The following NFYC variants were observed in gnomAD, a reference collection of about 807,000 sequenced individuals.
The protein encoded by NFYC is CAAT box DNA-binding protein subunit C.
A neutral mutation model predicts 53.1 loss-of-function variants in NFYC; 25 were observed. That is an observed-to-expected ratio of 0.47 (90% CI 0.34 to 0.66). NFYC has a LOEUF of 0.66. Ranked by LOEUF, NFYC falls within the 30% of genes least tolerant of loss-of-function variation. NFYC has a pLI of 0.01. For missense variants in NFYC, 260 were observed against 422.7 expected, an observed-to-expected ratio of 0.62 and a Z score of 3.38; for synonymous variants, 145 against 152.6, an observed-to-expected ratio of 0.95 and a Z score of 0.37.
intron 5 of NFYC, chr1:40,754,214 C>A (rs1379457560): frequency 7.8e-6 from 4 of 515,840 alleles, no homozygotes; most frequent in Non-Finnish European, 1.6e-5. Context: ...TATTAATAAC[C>A]AGTCAGAGAA....
intron 1 of NFYC, among the ~76,000 whole-genome samples, chr1:40,734,665 T>TTA (rs1644935636): frequency 1.3e-5 from 2 of 152,138 alleles, no homozygotes; most frequent in African/African-American, 4.8e-5. Flanking sequence ...CCGGCCTGCT[T>TTA]TATATATATA....
intron 6 of NFYC, 130 bp from the exon 7 acceptor site, chr1:40,762,758 A>G (rs1646613686): frequency 2.6e-6 from 2 of 771,042 alleles, no homozygotes; most frequent in Non-Finnish European, 3.8e-6. Flanking sequence ...GGTTATTACT[A>G]GTACTGAGAT....
intron 1 of NFYC, among the ~76,000 whole-genome samples, chr1:40,709,903 C>T (rs995072049): frequency 6.6e-6 from 1 of 152,184 alleles, no homozygotes; most frequent in Non-Finnish European, 1.5e-5. Flanking sequence ...AACTGTTTTC[C>T]AAATAATTTT....
intron 1 of NFYC, chr1:40,692,120 G>A (rs919998516): frequency 1.5e-5 from 3 of 197,974 alleles, no homozygotes; most frequent in Non-Finnish European, 3.3e-5. Context: ...GCGACGGCGG[G>A]GGGGCTCGCT....
intron 6 of NFYC, 38 bp from the exon 7 acceptor site, chr1:40,762,850 C>A: frequency 6.6e-7 from 1 of 1,517,670 alleles, no homozygotes; most frequent in South Asian, 1.3e-5. Flanking sequence ...GGCTCTGAGC[C>A]TGAACTCACG....
Position 40,770,584 on chromosome 1 carries a change from C to T in NFYC, c.889-125C>T, listed in dbSNP as rs1411619872. ...CAGCAGAGCTCCACTTCCCCTCCTC[C>T]TTCTGACGCCTTGCAGTGGGTGGTG... is the stretch of plus-strand genomic sequence containing the variant. On this transcript the variant is annotated intron_variant, in intron 9 of 9. Coordinates refer to ENST00000447388, the MANE Select transcript of NFYC (RefSeq NM_014223.5). This position sits in a 1 kb window ranked among gnomAD's most constrained non-coding sequence, Gnocchi z 5.3. 5 of 1,611,006 alleles carry T rather than the reference C, an allele frequency of 3.1e-6. No homozygotes were observed. The highest frequency in any genetic ancestry group is 1.3e-5 in the African/African-American group (1 of 74,822).
In NFYC at chr1:40,691,798, G is replaced by A. The variant is rs1239091891; in HGVS notation, c.-78G>A. 4.4e-6 allele frequency: 2 copies of A among 449,930 alleles called. No homozygotes were observed. The highest frequency in any genetic ancestry group is 2.0e-5 in the African/African-American group (1 of 49,394). The allele number at this position is 449,930 out of a possible 1,614,324, so 27.9% of individuals were successfully genotyped here. A position where few individuals can be genotyped will look rare whatever the true frequency, so the allele number is the denominator to read the frequency against. ...TTCCCCCTCCCCTCCGCCGCGCCTG[G>A]GCCTCTGCATTGCCCGACTCCGTAG... On this transcript the variant is annotated 5_prime_UTR_variant, in exon 1 of 10. Coordinates refer to ENST00000447388, the MANE Select transcript of NFYC (RefSeq NM_014223.5).
chr1:40,733,375 C>A (rs1027495876), intron 1 of NFYC, among the ~76,000 whole-genome samples: 7 of 151,140 alleles, frequency 4.6e-5, no homozygotes, highest in Admixed American at 2.0e-4. Flanking sequence ...GTCCCAGCTA[C>A]TTGGGAGGCT....
intron 2 of NFYC, among the ~76,000 whole-genome samples, chr1:40,740,570 G>A (rs1301684235): frequency 6.6e-6 from 1 of 152,198 alleles, no homozygotes; most frequent in Non-Finnish European, 1.5e-5. Context: ...GTTCAGAGTG[G>A]ATTTCCACTG....
intron 1 of NFYC, chr1:40,712,658 C>CTTTTTTTTTT (rs3081775): frequency 7.0e-5 from 5 of 71,022 alleles, no homozygotes; most frequent in Admixed American, 2.4e-4. Context: ...GGATTAATGC[C>CTTTTTTTTTT]TTTTTTTTTT....
intron 1 of NFYC, among the ~76,000 whole-genome samples, chr1:40,700,512 AT>A (rs1490440575): frequency 2.6e-5 from 4 of 151,756 alleles, no homozygotes; most frequent in East Asian, 1.9e-4. Flanking sequence ...TGCCCAGCTA[AT>A]TTTTTTATTG....
chr1:40,741,033 T>TA (rs1237946977), intron 2 of NFYC, among the ~76,000 whole-genome samples: 2 of 152,146 alleles, frequency 1.3e-5, no homozygotes, highest in Admixed American at 6.5e-5. Flanking sequence ...TTATGGAACT[T>TA]ACCTTGAGAA....
intron 1 of NFYC, among the ~76,000 whole-genome samples, chr1:40,707,963 T>C (rs1438107470): frequency 6.6e-6 from 1 of 152,162 alleles, no homozygotes; most frequent in Admixed American, 6.5e-5. Flanking sequence ...GTGCTTTTAG[T>C]AATACATCGT....
At chr1:40,699,141 T>G (rs1217775099) in intron 1 of NFYC, among the ~76,000 whole-genome samples, 1 of 152,022 alleles carries the variant, frequency 6.6e-6, no homozygotes, top group Non-Finnish European at 1.5e-5. Context: ...CACTCCAGCC[T>G]TGACGACAGG....
chr1:40,722,273 C>G (rs1361059481), intron 1 of NFYC, among the ~76,000 whole-genome samples: 1 of 151,688 alleles, frequency 6.6e-6, no homozygotes, highest in Non-Finnish European at 1.5e-5. Flanking sequence ...ATTGACACAC[C>G]CAAGGATTTA....
At chr1:40,720,870 TAA>T (rs893898336) in intron 1 of NFYC, among the ~76,000 whole-genome samples, 1 of 152,036 alleles carries the variant, frequency 6.6e-6, no homozygotes, top group African/African-American at 2.4e-5. Flanking sequence ...CACTGTTATT[TAA>T]AAAAAATTTT....
intron 5 of NFYC, chr1:40,757,857 T>C (rs1429306091): frequency 1.8e-6 from 1 of 547,760 alleles, no homozygotes; most frequent in Non-Finnish European, 3.3e-6. Context: ...ATTTGCCCGT[T>C]TGCAACTTAT....
intron 1 of NFYC, among the ~76,000 whole-genome samples, chr1:40,733,269 GA>G (rs947066026): frequency 6.6e-6 from 1 of 151,942 alleles, no homozygotes; most frequent in African/African-American, 2.4e-5. Context: ...GAGAGGTGCA[GA>G]TCGGGCCTCC....
At chr1:40,718,558 T>G (rs1313513581) in intron 1 of NFYC, among the ~76,000 whole-genome samples, 1 of 152,260 alleles carries the variant, frequency 6.6e-6, no homozygotes, top group Non-Finnish European at 1.5e-5. Context: ...ACCTTTAAAG[T>G]GTTTGTTAAA....
Sources: allele counts gnomAD v4.1 joint callset (sites outside exome capture counted in the v4.1 genomes callset), GRCh38; gene constraint gnomAD v4.1.1; non-coding constraint Gnocchi (gnomAD v3.1); transcripts MANE v1.5; gene names NCBI Gene and HGNC (gene_info 2026-07-23, HGNC 2026-07-21).